LSAMP: variants seen among roughly 807,000 people sequenced by gnomAD.
LSAMP encodes limbic system-associated membrane protein.
In LSAMP, 7 loss-of-function variants were observed where a neutral mutation model predicts 38.6. That is an observed-to-expected ratio of 0.18 (90% CI 0.10 to 0.34). LSAMP has a LOEUF of 0.34. LSAMP is among the 10% of genes least tolerant of loss of function. The pLI, the probability that LSAMP is intolerant of heterozygous loss-of-function variation, is 1.00. For missense variants in LSAMP, 313 were observed against 420.0 expected, an observed-to-expected ratio of 0.75 and a Z score of 2.23; for synonymous variants, 154 against 166.8, an observed-to-expected ratio of 0.92 and a Z score of 0.59.
At chr3:115,970,190 A>G (rs767314515) in intron 3 of LSAMP, among the ~76,000 whole-genome samples, 1 of 152,072 alleles carries the variant, frequency 6.6e-6, no homozygotes, top group Non-Finnish European at 1.5e-5. Context: ...CATCCTAAAG[A>G]ATTTATTTTT....
intron 3 of LSAMP, among the ~76,000 whole-genome samples, chr3:116,011,740 G>A (rs552282054): frequency 6.6e-6 from 1 of 151,654 alleles, no homozygotes; most frequent in East Asian, 1.9e-4. Context: ...TCAAGATAAT[G>A]TGTGAAATTA....
chr3:116,178,376 C>T (rs1710403392), intron 1 of LSAMP, among the ~76,000 whole-genome samples: 1 of 152,118 alleles, frequency 6.6e-6, no homozygotes, highest in Admixed American at 6.6e-5. Flanking sequence ...CCACGTTGGC[C>T]AGGCTGGTCT....
intron 1 of LSAMP, among the ~76,000 whole-genome samples, chr3:116,312,953 A>T (rs2047577669): frequency 6.6e-6 from 1 of 152,192 alleles, no homozygotes; most frequent in Admixed American, 6.5e-5. Context: ...TTTATCTAAA[A>T]TGTCATTCCT....
At chr3:116,343,934 T>A (rs1329036441) in intron 1 of LSAMP, among the ~76,000 whole-genome samples, 1 of 152,102 alleles carries the variant, frequency 6.6e-6, no homozygotes, top group Non-Finnish European at 1.5e-5. Context: ...AGACTGTAAA[T>A]GTATTATTCC....
At chr3:116,384,823 T>C (rs2048604806) in intron 1 of LSAMP, among the ~76,000 whole-genome samples, 1 of 152,182 alleles carries the variant, frequency 6.6e-6, no homozygotes, top group South Asian at 2.1e-4. Context: ...CACACTATTT[T>C]ATAAGTAATT....
intron 1 of LSAMP, among the ~76,000 whole-genome samples, chr3:116,196,673 C>T (rs1320398357): frequency 1.3e-5 from 2 of 152,026 alleles, no homozygotes; most frequent in Admixed American, 6.5e-5. Flanking sequence ...AAATTTTTTC[C>T]TCCTAGAGAC....
At chr3:115,911,803 A>C (rs1937141969) in intron 3 of LSAMP, among the ~76,000 whole-genome samples, 3 of 152,178 alleles carry the variant, frequency 2.0e-5, no homozygotes. Context: ...CCCACCAACA[A>C]AGTATGAATT....
intron 2 of LSAMP, among the ~76,000 whole-genome samples, chr3:116,062,347 G>A (rs1941608039): frequency 6.6e-6 from 1 of 151,936 alleles, no homozygotes; most frequent in Admixed American, 6.6e-5. Context: ...TGTCTCTACT[G>A]AAGATACAAA....
intron 1 of LSAMP, among the ~76,000 whole-genome samples, chr3:116,216,802 CA>C (rs2046225609): frequency 6.6e-6 from 1 of 152,172 alleles, no homozygotes; most frequent in South Asian, 2.1e-4. Context: ...GAAATATTCA[CA>C]GCTAGTTTCT....
intron 3 of LSAMP, among the ~76,000 whole-genome samples, chr3:116,007,227 T>C (rs1285478091): frequency 1.3e-5 from 2 of 152,084 alleles, no homozygotes. Context: ...TTGAGAAAAA[T>C]TTCTGACTTG....
intron 3 of LSAMP, among the ~76,000 whole-genome samples, chr3:115,922,820 T>C (rs1216417038): frequency 6.6e-6 from 1 of 152,140 alleles, no homozygotes; most frequent in Non-Finnish European, 1.5e-5. Flanking sequence ...AGAGGTATGC[T>C]GGTTTCTTTT....
intron 3 of LSAMP, among the ~76,000 whole-genome samples, chr3:115,895,722 C>T (rs996391276): frequency 1.3e-5 from 2 of 151,990 alleles, no homozygotes; most frequent in Admixed American, 6.6e-5. Context: ...TGGCAGAATA[C>T]AAAGTGTATC....
intron 1 of LSAMP, among the ~76,000 whole-genome samples, chr3:116,190,274 C>CAA (rs1302820337): frequency 6.6e-6 from 1 of 152,032 alleles, no homozygotes; most frequent in Non-Finnish European, 1.5e-5. Context: ...TCTATACTTG[C>CAA]AGTGAGTGAT....
chr3:116,433,353 T>G (rs2049307280), intron 1 of LSAMP, among the ~76,000 whole-genome samples: 1 of 152,206 alleles, frequency 6.6e-6, no homozygotes, highest in Non-Finnish European at 1.5e-5. Context: ...GATGCATCAT[T>G]AGACAATTAC....
chr3:115,828,059 A>G (rs1934483016), intron 6 of LSAMP, among the ~76,000 whole-genome samples: 1 of 152,184 alleles, frequency 6.6e-6, no homozygotes, highest in East Asian at 1.9e-4. Flanking sequence ...AGCTTTCTCC[A>G]GATAGGTGGG....
At chr3:116,293,651 C>T (rs894260099) in intron 1 of LSAMP, among the ~76,000 whole-genome samples, 5 of 152,016 alleles carry the variant, frequency 3.3e-5, no homozygotes, top group African/African-American at 4.8e-5. Context: ...TCTATTATAA[C>T]ATGAAATCAA....
chr3:116,167,889 A>G (rs866396948), intron 1 of LSAMP, among the ~76,000 whole-genome samples: 2 of 152,224 alleles, frequency 1.3e-5, no homozygotes, highest in Non-Finnish European at 2.9e-5. Context: ...ACAGCCATCA[A>G]AAGGAGAAGC....
chr3:116,348,152 G>A (rs1350604841), intron 1 of LSAMP, among the ~76,000 whole-genome samples: 1 of 151,952 alleles, frequency 6.6e-6, no homozygotes, highest in Non-Finnish European at 1.5e-5. Context: ...AATTATTCAC[G>A]ATAGGTTGGC....
At chr3:116,175,314 T>C (rs1264225273) in intron 1 of LSAMP, among the ~76,000 whole-genome samples, 2 of 152,122 alleles carry the variant, frequency 1.3e-5, no homozygotes, top group South Asian at 2.1e-4. Flanking sequence ...ATGTTACATA[T>C]AATGTATAGT....
Sources: allele counts gnomAD v4.1 joint callset (sites outside exome capture counted in the v4.1 genomes callset), GRCh38; gene constraint gnomAD v4.1.1; transcripts MANE v1.5; gene names NCBI Gene and HGNC (gene_info 2026-07-23, HGNC 2026-07-21).